The following PRKG2 variants were observed in gnomAD, a reference collection of about 807,000 sequenced individuals.
The protein encoded by PRKG2 is cGMP-dependent protein kinase 2.
PRKG2 carries 33 observed loss-of-function variants against 97.2 expected under a neutral mutation model. The observed-to-expected ratio is 0.34, with a 90% CI of 0.26 to 0.45. The LOEUF is 0.45. Among genes scored for constraint, PRKG2 ranks in the 20% least tolerant of loss-of-function variants. The pLI is 1.00. For missense variants in PRKG2, 638 were observed against 900.0 expected, an observed-to-expected ratio of 0.71 and a Z score of 3.73; for synonymous variants, 330 against 321.8, an observed-to-expected ratio of 1.03 and a Z score of -0.27.
chr4:81,108,477 G>GTTTT (rs58784804), intron 15 of PRKG2, among the ~76,000 whole-genome samples: 2 of 138,774 alleles, frequency 1.4e-5, no homozygotes, highest in Admixed American at 7.3e-5. Flanking sequence ...AACACTATTG[G>GTTTT]TTTTTTTTTT....
intron 14 of PRKG2, among the ~76,000 whole-genome samples, chr4:81,120,431 G>T (rs749289082): frequency 6.6e-5 from 10 of 152,012 alleles, no homozygotes; most frequent in African/African-American, 1.9e-4. Flanking sequence ...TCTTTCAATC[G>T]ATGAACATGG....
intron 9 of PRKG2, among the ~76,000 whole-genome samples, chr4:81,144,745 T>C (rs1434852498): frequency 7.0e-6 from 1 of 143,516 alleles, no homozygotes; most frequent in Non-Finnish European, 1.5e-5. Flanking sequence ...CTCCTAATGC[T>C]ATCCCTCCCC....
At chr4:81,169,069 T>G (rs1252182399) in intron 5 of PRKG2, among the ~76,000 whole-genome samples, 1 of 152,002 alleles carries the variant, frequency 6.6e-6, no homozygotes, top group Non-Finnish European at 1.5e-5. Context: ...CACAGACATT[T>G]ATTTCCTTAT....
intron 6 of PRKG2, among the ~76,000 whole-genome samples, chr4:81,156,495 C>A (rs1749110186): frequency 6.6e-6 from 1 of 151,982 alleles, no homozygotes; most frequent in Admixed American, 6.6e-5. Context: ...ACTTTAACAC[C>A]CCACCGTCAA....
chr4:81,147,198 T>C (rs905828866), intron 9 of PRKG2, among the ~76,000 whole-genome samples: 1 of 152,206 alleles, frequency 6.6e-6, no homozygotes, highest in African/African-American at 2.4e-5. Context: ...TGAGACATTG[T>C]ATAAATATGT....
At chr4:81,115,653 C>T (rs1221298866) in intron 14 of PRKG2, among the ~76,000 whole-genome samples, 1 of 152,160 alleles carries the variant, frequency 6.6e-6, no homozygotes, top group Non-Finnish European at 1.5e-5. Context: ...CAGCTGCAAA[C>T]AATTTTTACA....
Position 81,146,849 on chromosome 4 carries a change from G to A in PRKG2, c.1154+2035C>T, listed in dbSNP as rs149186745. 5.1e-3 allele frequency among the ~76,000 whole-genome samples: 779 copies of A among 152,258 alleles called. 5 individuals carry two copies. The highest frequency in any genetic ancestry group is 0.031 in the Middle Eastern group (9 of 292). On this transcript the variant is annotated intron_variant, in intron 9 of 18. Coordinates refer to ENST00000264399, the MANE Select transcript of PRKG2 (RefSeq NM_006259.3). ...AGCATTATTGTGGGATCTTATTCTA[G>A]TCTATAAGTCATAGCTAGGATGATC...
chr4:81,170,766 A>C (rs1750398138), intron 4 of PRKG2, among the ~76,000 whole-genome samples: 1 of 152,114 alleles, frequency 6.6e-6, no homozygotes, highest in African/African-American at 2.4e-5. Context: ...TGAATACTCT[A>C]ATTACTCTAA....
intron 17 of PRKG2, among the ~76,000 whole-genome samples, chr4:81,095,474 C>T (rs1742026443): frequency 6.6e-6 from 1 of 152,178 alleles, no homozygotes; most frequent in South Asian, 2.1e-4. Context: ...TTACAATGCT[C>T]TCTACCCCGA....
intron 6 of PRKG2, chr4:81,154,326 C>A (rs1748759278): frequency 6.6e-6 from 1 of 152,442 alleles, no homozygotes; most frequent in African/African-American, 2.4e-5. Flanking sequence ...AGGGCACAGA[C>A]AAACAAAAAG....
chr4:81,114,948 C>T (rs1433802464), intron 14 of PRKG2, among the ~76,000 whole-genome samples: 1 of 152,026 alleles, frequency 6.6e-6, no homozygotes, highest in East Asian at 1.9e-4. Flanking sequence ...TTATATTTGT[C>T]AATTTAATCT....
intron 8 of PRKG2, among the ~76,000 whole-genome samples, chr4:81,151,027 AC>A (rs1748347925): frequency 6.6e-6 from 1 of 151,978 alleles, no homozygotes; most frequent in African/African-American, 2.4e-5. Flanking sequence ...ATTTTTAAAG[AC>A]TCAAATTTGT....
intron 6 of PRKG2, among the ~76,000 whole-genome samples, chr4:81,161,645 A>G (rs1578446820): frequency 6.6e-6 from 1 of 152,156 alleles, no homozygotes; most frequent in Non-Finnish European, 1.5e-5. Flanking sequence ...GGAACTGCTC[A>G]TGAGGTCTCT....
chr4:81,096,195 T>C (rs1742095280), intron 17 of PRKG2, among the ~76,000 whole-genome samples: 1 of 152,172 alleles, frequency 6.6e-6, no homozygotes, highest in South Asian at 2.1e-4. Flanking sequence ...AAAAGTTCTC[T>C]ATAGTATGTG....
Position 81,152,061 on chromosome 4 carries a change from A to C in PRKG2, c.991-7T>G, listed in dbSNP as rs1285697214. On this transcript the variant is annotated splice_polypyrimidine_tract_variant and splice_region_variant and intron_variant, in intron 7 of 18. Coordinates refer to ENST00000264399, the MANE Select transcript of PRKG2 (RefSeq NM_006259.3). ...TGCTCTGTGTTACTTTTACCTAAAC[A>C]ATGTTAAGCAATACAAACAGAAAGA... 6.3e-7 allele frequency: 1 copy of C among 1,585,266 alleles called. No individual in the cohort carries two copies. The highest frequency in any genetic ancestry group is 8.6e-7 in the Non-Finnish European group (1 of 1,159,610).
chr4:81,200,983 G>A (rs765955421), intron 2 of PRKG2, among the ~76,000 whole-genome samples: 1 of 152,020 alleles, frequency 6.6e-6, no homozygotes, highest in African/African-American at 2.4e-5. Context: ...TGCAGCTGAC[G>A]AGTGACTCCA....
intron 17 of PRKG2, among the ~76,000 whole-genome samples, chr4:81,097,462 T>A (rs1742241409): frequency 6.6e-6 from 1 of 152,166 alleles, no homozygotes; most frequent in Admixed American, 6.6e-5. Context: ...CTTAGGATTT[T>A]TAGAATGGCA....
chr4:81,214,357 T>G (rs187950142), intron 1 of PRKG2, among the ~76,000 whole-genome samples: 7 of 151,912 alleles, frequency 4.6e-5, no homozygotes, highest in African/African-American at 1.7e-4. Context: ...ACTGAACCTA[T>G]TTCTTTTTTT....
At position 81,087,886 on chromosome 4, in the gene PRKG2, A is replaced by G. The variant is rs1560523224; in HGVS notation, c.*1822T>C. 1.3e-5 allele frequency: 2 copies of G among 152,276 alleles called. No individual in the cohort carries two copies. Among genetic ancestry groups the G allele is most frequent in the East Asian group, 3.9e-4 (2 of 5,184 alleles). The allele number at this position is 152,276 out of a possible 1,614,324, so 9.4% of individuals were successfully genotyped here. On this transcript the variant is annotated 3_prime_UTR_variant, in exon 19 of 19. Coordinates refer to ENST00000264399, the MANE Select transcript of PRKG2 (RefSeq NM_006259.3). ...TTTCTATATATGTAGGGTTTTAAAA[A>G]TTACAACTATTGATCTGCTTTGAGA...
Sources: allele counts gnomAD v4.1 joint callset (sites outside exome capture counted in the v4.1 genomes callset), GRCh38; gene constraint gnomAD v4.1.1; transcripts MANE v1.5; gene names NCBI Gene and HGNC (gene_info 2026-07-23, HGNC 2026-07-21).